Variants in ABCA8 observed in about 807,000 individuals in gnomAD.
ABCA8 encodes the protein ABC-type organic anion transporter ABCA8.
Under a neutral mutation model 192.3 loss-of-function variants are expected in ABCA8, and 177 were observed. The ratio of observed to expected loss-of-function variants is 0.92; its 90% CI spans 0.81 to 1.04. ABCA8 has a LOEUF of 1.04. ABCA8 is among the 50% of genes least tolerant of loss of function. The probability of loss-of-function intolerance (pLI) is 0.00; values close to 1 mark genes in which losing one functional copy is unlikely to be tolerated. For missense variants in ABCA8, 1,915 were observed against 1,904.8 expected (o/e 1.01, Z -0.10); for synonymous variants, 642 against 690.2 (o/e 0.93, Z 1.09).
intron 1 of ABCA8, among the ~76,000 whole-genome samples, chr17:68,951,339 C>T (rs1238932131): frequency 6.6e-6 from 1 of 152,208 alleles, no homozygotes; most frequent in East Asian, 1.9e-4. Context: ...GAAATGACTT[C>T]TCAGTAAGAT....
chr17:68,887,447 C>G lies in ABCA8; in HGVS notation c.3204G>C (p.Gly1068=), dbSNP rs113739907. 1 of 1,613,552 alleles carries G rather than the reference C, an allele frequency of 6.2e-7. No homozygotes were observed. Among genetic ancestry groups the G allele is most frequent in the African/African-American group, 1.3e-5 (1 of 74,888 alleles). The part of the protein sequence containing the change: ...SGLSPSAYWF[G]QALVDVSLYF... ...ACAGGGAAACATCCACCAGCGCCTG[C>G]CCAAACCAGTAAGCAGAAGGGGAGA... Residue 1068 remains glycine, a synonymous_variant, in exon 25 of 40, where the codon GGG becomes GGC. Transcript: ENST00000586539.
intron 33 of ABCA8, chr17:68,877,163 C>T (rs923309499): frequency 5.8e-5 from 10 of 172,978 alleles, no homozygotes; most frequent in Non-Finnish European, 1.1e-4. Flanking sequence ...CCACCATGCC[C>T]GGCTAATTTT....
At chr17:68,888,821 T>A (rs2066556614) in intron 24 of ABCA8, among the ~76,000 whole-genome samples, 1 of 152,072 alleles carries the variant, frequency 6.6e-6, no homozygotes, top group Admixed American at 6.5e-5. Context: ...GTAGAGGGGA[T>A]TCGAAGCCAT....
At chr17:68,944,359 T>TATATATATATATATACATAC (rs765731645) in intron 2 of ABCA8, among the ~76,000 whole-genome samples, 2 of 69,462 alleles carry the variant, frequency 2.9e-5, no homozygotes, top group African/African-American at 1.1e-4. Flanking sequence ...TATATATATA[T>TATATATATATATATACATAC]ACACATATAC....
At chr17:68,917,989 C>T in intron 16 of ABCA8, 58 bp downstream of exon 16, 1 of 1,584,990 alleles carries the variant, frequency 6.3e-7, no homozygotes, top group Non-Finnish European at 8.6e-7. Flanking sequence ...GAGACCAATC[C>T]ATATTTTTAG....
chr17:68,868,998 CT>C (rs1258390937), intron 38 of ABCA8, among the ~76,000 whole-genome samples: 2 of 152,164 alleles, frequency 1.3e-5, no homozygotes, highest in African/African-American at 4.8e-5. Flanking sequence ...AGATGCATTA[CT>C]GTGACCACAG....
At chr17:68,953,012 C>A (rs755751710) in intron 1 of ABCA8, among the ~76,000 whole-genome samples, 4 of 152,060 alleles carry the variant, frequency 2.6e-5, no homozygotes, top group Non-Finnish European at 5.9e-5. Context: ...ATAAGAGCAC[C>A]ACATCTTTCC....
intron 37 of ABCA8, among the ~76,000 whole-genome samples, chr17:68,874,065 A>C (rs1352477238): frequency 2.0e-5 from 3 of 152,196 alleles, no homozygotes; most frequent in Admixed American, 1.3e-4. Context: ...AACTGGGGGA[A>C]GGGAGTGTAA....
At chr17:68,884,710 A>G in intron 27 of ABCA8, 1 of 1,075,720 alleles carries the variant, frequency 9.3e-7, no homozygotes, top group Non-Finnish European at 1.1e-6. Flanking sequence ...TCCTGTGCCC[A>G]TCGTTTCTCT....
At chr17:68,925,386 A>G (rs965765689) in intron 10 of ABCA8, among the ~76,000 whole-genome samples, 14 of 152,208 alleles carry the variant, frequency 9.2e-5, no homozygotes, top group Admixed American at 7.2e-4. Flanking sequence ...TTTTAAAGCT[A>G]TTTTGTATTT....
At chr17:68,926,400 T>C (rs1354481989) in intron 10 of ABCA8, among the ~76,000 whole-genome samples, 1 of 152,074 alleles carries the variant, frequency 6.6e-6, no homozygotes, top group Non-Finnish European at 1.5e-5. Flanking sequence ...CACGAGTAAA[T>C]TTCCTGAACT....
intron 24 of ABCA8, 47 bp downstream of exon 24, chr17:68,891,442 G>T: frequency 7.4e-7 from 1 of 1,352,706 alleles, no homozygotes; most frequent in Non-Finnish European, 1.0e-6. Context: ...ATTACCTTCT[G>T]CTTTCAATTA....
At chr17:68,951,335 A>G (rs541142686) in intron 1 of ABCA8, among the ~76,000 whole-genome samples, 2 of 152,342 alleles carry the variant, frequency 1.3e-5, no homozygotes, top group East Asian at 3.9e-4. Context: ...CAAAGAAATG[A>G]CTTCTCAGTA....
intron 23 of ABCA8, among the ~76,000 whole-genome samples, chr17:68,892,767 C>T (rs1297620356): frequency 6.6e-6 from 1 of 152,124 alleles, no homozygotes; most frequent in African/African-American, 2.4e-5. Context: ...TCTCGCACAT[C>T]CTTAATGAAA....
chr17:68,905,053 C>T (rs1408561456), intron 19 of ABCA8, among the ~76,000 whole-genome samples: 2 of 152,162 alleles, frequency 1.3e-5, no homozygotes, highest in African/African-American at 2.4e-5. Flanking sequence ...TTAAAACATT[C>T]GAAGCTGGGA....
chr17:68,940,700 G>A (rs934944891), intron 4 of ABCA8, 58 bp downstream of exon 4: 58 of 1,441,230 alleles, frequency 4.0e-5, no homozygotes, highest in African/African-American at 2.8e-4. Flanking sequence ...ATAAATCTGC[G>A]GTCAAATAAA....
chr17:68,916,634 TA>T (rs993655700), intron 17 of ABCA8, among the ~76,000 whole-genome samples: 2 of 151,892 alleles, frequency 1.3e-5, no homozygotes, highest in Admixed American at 1.3e-4. Flanking sequence ...ATAAAGATAA[TA>T]AAATGAAGAG....
At chr17:68,903,067 G>A (rs994266925) in intron 20 of ABCA8, among the ~76,000 whole-genome samples, 188 bp from the exon 21 acceptor site, 12 of 152,084 alleles carry the variant, frequency 7.9e-5, no homozygotes, top group African/African-American at 2.9e-4. Flanking sequence ...TTTGTCCTTT[G>A]TTCATTTCTC....
chr17:68,884,262 T>A, intron 28 of ABCA8, 69 bp downstream of exon 28: 1 of 1,344,926 alleles, frequency 7.4e-7, no homozygotes, highest in Non-Finnish European at 9.9e-7. Context: ...AGTTTCACAG[T>A]GTGTACAGAA....
Sources: gnomAD v4.1 joint callset for allele counts (sites outside exome capture counted in the v4.1 genomes callset) on GRCh38, gnomAD v4.1.1 for gene constraint, MANE v1.5 for transcripts, NCBI Gene and HGNC (gene_info 2026-07-23, HGNC 2026-07-21) for gene names.